The following PTPRN2 variants were observed in gnomAD, a reference collection of about 807,000 sequenced individuals.
The protein encoded by PTPRN2 is receptor-type tyrosine-protein phosphatase N2.
Under a neutral mutation model 118.8 loss-of-function variants are expected in PTPRN2, and 74 were observed. That is an observed-to-expected ratio of 0.62 (90% CI 0.52 to 0.76). PTPRN2 has a LOEUF of 0.76. Ranked by LOEUF, PTPRN2 falls within the 30% of genes least tolerant of loss-of-function variation. The probability of loss-of-function intolerance (pLI) is 0.00; values close to 1 mark genes in which losing one functional copy is unlikely to be tolerated. For missense variants in PTPRN2, 1,481 were observed against 1,394.4 expected, an observed-to-expected ratio of 1.06 and a Z score of -0.99; for synonymous variants, 641 against 608.0, an observed-to-expected ratio of 1.05 and a Z score of -0.80.
At chr7:157,798,164 C>G (rs1804992717) in intron 12 of PTPRN2, among the ~76,000 whole-genome samples, 1 of 152,190 alleles carries the variant, frequency 6.6e-6, no homozygotes, top group Admixed American at 6.5e-5. Context: ...GAGACTGAGG[C>G]AGGAGAATCG....
chr7:158,000,527 A>G (rs958744221), intron 11 of PTPRN2, among the ~76,000 whole-genome samples: 2 of 135,198 alleles, frequency 1.5e-5, no homozygotes, highest in Admixed American at 1.7e-4. Flanking sequence ...GCTGCCTGAC[A>G]TTTCGGCTTT....
At chr7:157,873,423 A>G (rs1309067361) in intron 12 of PTPRN2, among the ~76,000 whole-genome samples, 1 of 152,074 alleles carries the variant, frequency 6.6e-6, no homozygotes, top group African/African-American at 2.4e-5. Context: ...TGCCAAGGAC[A>G]TGTGCTGGGA....
In PTPRN2 at chr7:158,340,924, G is replaced by C. The variant is rs1352343493; in HGVS notation, c.164-23992C>G. 9.7e-5 allele frequency among the ~76,000 whole-genome samples: 8 copies of C among 82,324 alleles called. 3 individuals are homozygous for C. Among genetic ancestry groups the C allele is most frequent in the African/African-American group, 3.5e-4 (8 of 22,672 alleles). 54.0% of individuals were successfully genotyped at this position (82,324 alleles called of 152,430 possible). A position where few individuals can be genotyped will look rare whatever the true frequency, so the allele number is the denominator to read the frequency against. ...CCCGAAGTCAGTCACACCCACACAC[G>C]TCAATCACACTCACACTCTCACCAT... On this transcript the variant is annotated intron_variant, in intron 2 of 22. Coordinates refer to ENST00000389418, the MANE Select transcript of PTPRN2 (RefSeq NM_002847.5).
Position 157,656,487 on chromosome 7 carries a change from C to A in PTPRN2, c.2066G>T (p.Arg689Leu). 1.3e-6 allele frequency: 2 copies of A among 1,554,728 alleles called. No homozygotes were observed. Among genetic ancestry groups the A allele is most frequent in the South Asian group, 1.2e-5 (1 of 84,818 alleles). Reference protein sequence around the residue: ...PDRPEGPHTSRISSVSSQFSD... With the variant: ...PDRPEGPHTSLISSVSSQFSD... ...GAACTGGGATGAGACGCTGCTGATG[C>A]GTGACGTGTGCGGGCCCTCAGGTCG... The change falls in exon 14 of 23, where the codon CGC (arginine) becomes CTC (leucine). Residue 689 changes from arginine to leucine, a missense_variant. This residue lies in a region of PTPRN2 where 1,115 missense variants were observed against 994.2 expected (regional missense o/e 1.12). Transcript: ENST00000389418.
At position 157,539,950 on chromosome 7, in the gene PTPRN2, G is replaced by T. The variant is rs1797939002; in HGVS notation, c.*764C>A. 6.6e-6 allele frequency: 1 copy of T among 152,214 alleles called. No individual in the cohort carries two copies. Among genetic ancestry groups the T allele is most frequent in the African/African-American group, 2.4e-5 (1 of 41,448 alleles). 9.4% of individuals were successfully genotyped at this position (152,214 alleles called of 1,614,324 possible). ...CGGGGGCATCTGTTTTCATAACGTA[G>T]AAATCAATATTTTAACATTAAAAAC... is the stretch of plus-strand genomic sequence containing the variant. On this transcript the variant is annotated 3_prime_UTR_variant, in exon 23 of 23. Transcript: ENST00000389418.
chr7:157,841,479 GT>G (rs1179948867), intron 12 of PTPRN2, among the ~76,000 whole-genome samples: 1 of 152,184 alleles, frequency 6.6e-6, no homozygotes, highest in East Asian at 1.9e-4. Context: ...CCACCCGCAG[GT>G]GATGATTTTG....
chr7:158,503,899 G>A (rs550689857), intron 1 of PTPRN2, among the ~76,000 whole-genome samples: 4 of 151,872 alleles, frequency 2.6e-5, no homozygotes, highest in Non-Finnish European at 5.9e-5. Flanking sequence ...TACTTGGGGG[G>A]CCAAGGCAGG....
chr7:158,541,816 TGA>T (rs761373958), intron 1 of PTPRN2: 27 of 867,786 alleles, frequency 3.1e-5, no homozygotes, highest in Middle Eastern at 5.8e-4. Flanking sequence ...CTGGGGAAGC[TGA>T]GAGACTGCAG....
At chr7:157,961,729 C>T (rs1801551089) in intron 11 of PTPRN2, among the ~76,000 whole-genome samples, 1 of 152,204 alleles carries the variant, frequency 6.6e-6, no homozygotes, top group African/African-American at 2.4e-5. Context: ...AGGTGACTGC[C>T]TTTCAGCACT....
chr7:158,515,131 C>T (rs1024061313), intron 1 of PTPRN2, among the ~76,000 whole-genome samples: 1 of 151,934 alleles, frequency 6.6e-6, no homozygotes, highest in African/African-American at 2.4e-5. Context: ...AAGGGGCAGC[C>T]CCGGGCACAC....
chr7:157,628,465 G>C (rs551799070), intron 14 of PTPRN2, among the ~76,000 whole-genome samples: 1 of 152,178 alleles, frequency 6.6e-6, no homozygotes, highest in South Asian at 2.1e-4. Flanking sequence ...GAACAGGAAC[G>C]CACATGAACA....
intron 2 of PTPRN2, among the ~76,000 whole-genome samples, chr7:158,382,222 G>A (rs1308087076): frequency 6.6e-6 from 1 of 152,194 alleles, no homozygotes; most frequent in South Asian, 2.1e-4. Flanking sequence ...ACTCCCCTCC[G>A]TGAACAGCCC....
At chr7:157,882,879 C>T (rs1229016076) in intron 12 of PTPRN2, among the ~76,000 whole-genome samples, 1 of 149,690 alleles carries the variant, frequency 6.7e-6, no homozygotes, top group African/African-American at 2.5e-5. Context: ...GAGATCAGAA[C>T]ACACCACCCC....
At chr7:158,578,015 C>A (rs1018450410) in intron 1 of PTPRN2, among the ~76,000 whole-genome samples, 2 of 152,356 alleles carry the variant, frequency 1.3e-5, no homozygotes, top group South Asian at 4.1e-4. Context: ...CAGACACTCA[C>A]CTCGCTTCAG....
intron 11 of PTPRN2, among the ~76,000 whole-genome samples, chr7:157,967,015 G>A (rs1801991243): frequency 6.6e-6 from 1 of 152,196 alleles, no homozygotes. Context: ...CACAAACTTA[G>A]TGGCTTAAAA....
At chr7:158,471,710 A>G (rs989118423) in intron 2 of PTPRN2, among the ~76,000 whole-genome samples, 1 of 118,806 alleles carries the variant, frequency 8.4e-6, no homozygotes, top group Non-Finnish European at 1.9e-5. Context: ...ACAAACAAAC[A>G]AAAAAAAAAC....
chr7:158,191,000 C>A (rs1353856796), intron 5 of PTPRN2, among the ~76,000 whole-genome samples: 1 of 152,266 alleles, frequency 6.6e-6, no homozygotes, highest in Non-Finnish European at 1.5e-5. Flanking sequence ...CCTCACCTGC[C>A]TGCACAGAAC....
chr7:158,485,934 G>A (rs1275006195), intron 2 of PTPRN2, among the ~76,000 whole-genome samples: 1 of 152,120 alleles, frequency 6.6e-6, no homozygotes, highest in African/African-American at 2.4e-5. Flanking sequence ...TGCATTTTCC[G>A]ACGTTATTAA....
intron 6 of PTPRN2, among the ~76,000 whole-genome samples, chr7:158,144,626 G>A (rs780998864): frequency 2.0e-5 from 3 of 152,158 alleles, no homozygotes; most frequent in African/African-American, 4.8e-5. Flanking sequence ...GCGATAGAGC[G>A]AGAGAAGGGG....
Sources: gnomAD v4.1 joint callset for allele counts (sites outside exome capture counted in the v4.1 genomes callset) on GRCh38, gnomAD v4.1.1 for gene constraint, gnomAD v4.1.1 regional missense constraint, MANE v1.5 for transcripts, NCBI Gene and HGNC (gene_info 2026-07-23, HGNC 2026-07-21) for gene names.